DCHS1: variants seen among roughly 807,000 people sequenced by gnomAD.
DCHS1 encodes the protein protocadherin-16.
A neutral mutation model predicts 213.9 loss-of-function variants in DCHS1; 78 were observed. The ratio of observed to expected loss-of-function variants is 0.36; its 90% CI spans 0.30 to 0.44. The LOEUF is 0.44. Ranked by LOEUF, DCHS1 falls within the 20% of genes least tolerant of loss-of-function variation. DCHS1 has a pLI of 1.00. For synonymous variants in DCHS1, 1,828 were observed against 1,873.7 expected (o/e 0.98, Z 0.63); for missense variants, 3,946 against 4,395.9 (o/e 0.90, Z 2.89).
chr11:6,640,282 G>A lies in DCHS1; in HGVS notation c.1332C>T (p.Ala444=). 1 of 1,608,550 alleles carries A rather than the reference G, an allele frequency of 6.2e-7. No homozygotes were observed. The highest frequency in any genetic ancestry group is 8.5e-7 in the Non-Finnish European group (1 of 1,177,620). Residue 444 remains alanine, a synonymous_variant, in exon 2 of 21, where the codon GCC becomes GCT. Coordinates refer to ENST00000299441, the MANE Select transcript of DCHS1 (RefSeq NM_003737.4). This position sits in a 1 kb window ranked among gnomAD's most constrained non-coding sequence, Gnocchi z 6.5. ...ERDAYNLRVT[A]TDSGSPPLRA... ...GCAGTGGAGGTGAGCCTGAGTCTGT[G>A]GCTGTAACCCTCAAGTTATAGGCAT...
chr11:6,621,469 AATAAATAAAG>A lies in DCHS1; in HGVS notation c.*300_*309del. On this transcript the variant is annotated 3_prime_UTR_variant, in exon 21 of 21. Coordinates refer to ENST00000299441, the MANE Select transcript of DCHS1 (RefSeq NM_003737.4). ...GGACCTCCTCCATCCCCCTACCCCC[AATAAATAAAG>A]TCTCAGCTCCATCTCAGGGTGCTGG... is the stretch of plus-strand genomic sequence containing the variant. 1 of 477,676 alleles carries A rather than the reference AATAAATAAAG, an allele frequency of 2.1e-6. No homozygotes were observed. Among genetic ancestry groups the A allele is most frequent in the African/African-American group, 2.0e-5 (1 of 51,208 alleles). The allele number at this position is 477,676 out of a possible 1,614,324, so 29.6% of individuals were successfully genotyped here.
At chr11:6,634,380 G>A in intron 2 of DCHS1, 74 bp from the exon 3 acceptor site, 1 of 1,477,246 alleles carries the variant, frequency 6.8e-7, no homozygotes, top group East Asian at 2.3e-5. Flanking sequence ...CCATTAGAAT[G>A]AACAACTGGT....
Position 6,641,850 on chromosome 11 carries a change from G to T in DCHS1, c.-120-117C>A. 2 of 876,572 alleles carry T rather than the reference G, an allele frequency of 2.3e-6. No individual in the cohort carries two copies. Among genetic ancestry groups the T allele is most frequent in the Non-Finnish European group, 3.3e-6 (2 of 604,402 alleles). The allele number at this position is 876,572 out of a possible 1,614,324, so 54.3% of individuals were successfully genotyped here. A position where few individuals can be genotyped will look rare whatever the true frequency, so the allele number is the denominator to read the frequency against. On this transcript the variant is annotated intron_variant, in intron 1 of 20. Transcript: ENST00000299441. This position sits in a 1 kb window ranked among gnomAD's most constrained non-coding sequence, Gnocchi z 7.1. ...TCAGCCCCCAGCAGGCCCTTGTGCT[G>T]CCTCACACTCATCTTGGGCCACACG...
rs745665964 is a variant in DCHS1, at chr11:6,625,978, T to C, written c.6673A>G (p.Thr2225Ala). The change falls in exon 17 of 21, where the codon ACC (threonine) becomes GCC (alanine). Residue 2225 changes from threonine to alanine, a missense_variant. Coordinates refer to ENST00000299441, the MANE Select transcript of DCHS1 (RefSeq NM_003737.4). The surrounding 1 kb of genome is among the most constrained non-coding windows in gnomAD (Gnocchi z 5.3). The part of the protein sequence containing the change: ...PARGLFHVDP[T>A]TGTITTTAIL... Reference sequence around the variant, plus strand: ...GCTGTGGTAGTGATAGTGCCTGTGGTTGGGTCTACGTGGAACAATCCACGT... The same window carrying C: ...GCTGTGGTAGTGATAGTGCCTGTGGCTGGGTCTACGTGGAACAATCCACGT... The C allele has an allele frequency of 3.7e-6, 6 of 1,613,554 alleles. No individual in the cohort carries two copies. The highest frequency in any genetic ancestry group is 1.3e-5 in the African/African-American group (1 of 75,004).
Position 6,626,938 on chromosome 11 carries a change from C to T in DCHS1, c.6101G>A (p.Arg2034His), listed in dbSNP as rs140046764. 43 of 1,613,586 alleles carry T rather than the reference C, an allele frequency of 2.7e-5. No individual in the cohort carries two copies. Among genetic ancestry groups the T allele is most frequent in the East Asian group, 2.5e-4 (11 of 44,894 alleles). The change falls in exon 14 of 21, where the codon CGT (arginine) becomes CAT (histidine). Residue 2034 changes from arginine (R) to histidine (H), a missense_variant. By Grantham distance (29) the Arg-to-His change is conservative. This residue lies in a region of DCHS1 where 3,384 missense variants were observed against 3,780.1 expected (regional missense o/e 0.90). Transcript: ENST00000299441. The surrounding 1 kb of genome is among the most constrained non-coding windows in gnomAD (Gnocchi z 5.2). ...RSPVALGPRD[R>H]VLFIVATDLG... is the part of the protein sequence containing the mutation. ...ATCAGTGGCCACAATGAAGAGGACA[C>T]GATCTCGGGGGCCTAGAGCTACAGG...
chr11:6,631,242 G>A (rs1855902501), intron 8 of DCHS1, 32 bp from the exon 9 acceptor site: 1 of 1,612,590 alleles, frequency 6.2e-7, no homozygotes, highest in Non-Finnish European at 8.5e-7. Flanking sequence ...TGAGGGCTTG[G>A]GGCCCAGAGC....
chr11:6,625,709 T>C lies in DCHS1; in HGVS notation c.6750A>G (p.Thr2250=), dbSNP rs1855786763. The change falls in exon 18 of 21, where the codon ACA becomes ACG. Residue 2250 remains threonine, a synonymous_variant. Coordinates refer to ENST00000299441, the MANE Select transcript of DCHS1 (RefSeq NM_003737.4). This position sits in a 1 kb window ranked among gnomAD's most constrained non-coding sequence, Gnocchi z 5.3. ...CCACCAGGGCTGGGCTCCCTCTGTC[T>C]GTGGCCATCAGCACCAACCTGGACA... The part of the protein sequence containing the change: ...WAETRLVLMA[T]DRGSPALVGS... 2 of 1,607,358 alleles carry C rather than the reference T, an allele frequency of 1.2e-6. No individual in the cohort carries two copies. The highest frequency in any genetic ancestry group is 1.7e-6 in the Non-Finnish European group (2 of 1,177,446).
In DCHS1 at chr11:6,623,299, G is replaced by T; in HGVS notation, c.8377C>A (p.Leu2793Ile). The part of the protein sequence containing the change: ...LLVGAADAGN[L>I]SASVTVSVLV... Reference sequence around the variant, plus strand: ...ACCGACACAGTGACAGAGGCTGAGAGATTCCCAGCATCAGCAGCACCCACC... The same window carrying T: ...ACCGACACAGTGACAGAGGCTGAGATATTCCCAGCATCAGCAGCACCCACC... The change falls in exon 21 of 21, where the codon CTC becomes ATC. Residue 2793 changes from leucine (L) to isoleucine (I), a missense_variant. Leu to Ile is a conservative substitution (Grantham distance 5, BLOSUM62 2). This residue lies in a region of DCHS1 where 3,384 missense variants were observed against 3,780.1 expected (regional missense o/e 0.90). Coordinates refer to ENST00000299441, the MANE Select transcript of DCHS1 (RefSeq NM_003737.4). 1 of 1,589,904 alleles carries T rather than the reference G, an allele frequency of 6.3e-7. No homozygotes were observed.
Position 6,640,807 on chromosome 11 carries a change from G to T in DCHS1, c.807C>A (p.Ala269=). 1 of 1,614,028 alleles carries T rather than the reference G, an allele frequency of 6.2e-7. No homozygotes were observed. The highest frequency in any genetic ancestry group is 8.5e-7 in the Non-Finnish European group (1 of 1,179,890). ...RYHAVVSESL[A]PGSPVLQVFA... ...ACACCTGCAAGACAGGACTGCCAGG[G>T]GCCAGGCTCTCAGACACCACAGCAT... Residue 269 remains alanine (A), a synonymous_variant, in exon 2 of 21, where the codon GCC becomes GCA. Transcript: ENST00000299441. This position sits in a 1 kb window ranked among gnomAD's most constrained non-coding sequence, Gnocchi z 6.5.
intron 5 of DCHS1, 69 bp downstream of exon 5, chr11:6,633,343 G>A (rs538737192): frequency 2.1e-5 from 30 of 1,441,572 alleles, no homozygotes; most frequent in South Asian, 9.4e-5. Flanking sequence ...AGGTATCTTC[G>A]GATGGTGCTG....
intron 1 of DCHS1, among the ~76,000 whole-genome samples, chr11:6,645,090 T>C (rs1295358738): frequency 2.6e-5 from 4 of 152,204 alleles, no homozygotes; most frequent in African/African-American, 9.7e-5. Flanking sequence ...TTGTGAAAAT[T>C]AGAAACAATG....
At position 6,626,965 on chromosome 11, in the gene DCHS1, G is replaced by C. The variant is rs1352438833; in HGVS notation, c.6074C>G (p.Ser2025Cys). The stretch of plus-strand genomic sequence containing the variant: ...ATCTCGGGGGCCTAGAGCTACAGGA[G>C]AGCGGGCCACGCGGATTTCACCAGT... ...SYTGEIRVAR[S>C]PVALGPRDRV... Residue 2025 changes from serine to cysteine, a missense_variant, in exon 14 of 21, where the codon TCT becomes TGT. Physicochemically the swap from Ser to Cys is moderately radical, Grantham distance 112. Coordinates refer to ENST00000299441, the MANE Select transcript of DCHS1 (RefSeq NM_003737.4). The surrounding 1 kb of genome is among the most constrained non-coding windows in gnomAD (Gnocchi z 5.2). 25 of 1,613,760 alleles carry C rather than the reference G, an allele frequency of 1.5e-5. No individual in the cohort carries two copies. Among genetic ancestry groups the C allele is most frequent in the Non-Finnish European group, 2.1e-5 (25 of 1,179,902 alleles).
At chr11:6,633,313 A>G in intron 5 of DCHS1, 99 bp downstream of exon 5, 1 of 1,287,302 alleles carries the variant, frequency 7.8e-7, no homozygotes, top group Non-Finnish European at 1.1e-6. Flanking sequence ...TACTGGGGCT[A>G]TCTGCCCTGT....
chr11:6,635,236 G>T (rs1429665251), intron 2 of DCHS1: 1 of 152,192 alleles, frequency 6.6e-6, no homozygotes, highest in African/African-American at 2.4e-5. Context: ...ATGGGTGTGT[G>T]GCTCATGCAT....
Position 6,626,412 on chromosome 11 carries a change from C to G in DCHS1, c.6365-32G>C. On this transcript the variant is annotated intron_variant, in intron 15 of 20. Transcript: ENST00000299441. This position sits in a 1 kb window ranked among gnomAD's most constrained non-coding sequence, Gnocchi z 5.2. ...GAGATAGAATGCATCAGTGATAGCC[C>G]CCTTTGCTTGCCCTGGAGCCTCCTT... is the stretch of plus-strand genomic sequence containing the variant. 1 of 1,608,636 alleles carries G rather than the reference C, an allele frequency of 6.2e-7. No individual in the cohort carries two copies. The highest frequency in any genetic ancestry group is 8.5e-7 in the Non-Finnish European group (1 of 1,176,798).
At chr11:6,633,709 G>T in intron 4 of DCHS1, 61 bp from the exon 5 acceptor site, 1 of 1,603,052 alleles carries the variant, frequency 6.2e-7, no homozygotes, top group Non-Finnish European at 8.5e-7. Context: ...GAAAGGTTAT[G>T]GAGGAGGTGG....
intron 1 of DCHS1, 60 bp downstream of exon 1, chr11:6,655,503 G>A: frequency 1.1e-6 from 1 of 949,942 alleles, no homozygotes; most frequent in Non-Finnish European, 1.3e-6. Flanking sequence ...CCGCAGCCCA[G>A]GGGAGGCCGG....
Position 6,631,406 on chromosome 11 carries a change from A to G in DCHS1, c.3677T>C (p.Val1226Ala). 6.2e-7 allele frequency: 1 copy of G among 1,613,856 alleles called. No homozygotes were observed. Among genetic ancestry groups the G allele is most frequent in the Non-Finnish European group, 8.5e-7 (1 of 1,179,816 alleles). Residue 1226 changes from valine to alanine, a missense_variant and splice_region_variant, in exon 8 of 21, where the codon GTA becomes GCA. This residue lies in a region of DCHS1 where 3,384 missense variants were observed against 3,780.1 expected (regional missense o/e 0.90). Transcript: ENST00000299441. ...TGTTCCCGGAGGCACGCGGTCTGGT[A>G]CCTGTGGGAACACAACTCACCTAGT... is the stretch of plus-strand genomic sequence containing the variant. ...GAAGGGLPIQ[V>A]PDRVPPGTLV...
In DCHS1 at chr11:6,622,308, C is replaced by A; in HGVS notation, c.9368G>T (p.Cys3123Phe). The A allele has an allele frequency of 6.2e-7, 1 of 1,606,132 alleles. No individual in the cohort carries two copies. The change falls in exon 21 of 21, where the codon TGT (cysteine) becomes TTT (phenylalanine). Residue 3123 changes from cysteine to phenylalanine, a missense_variant. Cys to Phe is a radical substitution (Grantham distance 205, BLOSUM62 -2). This residue lies in a region of DCHS1 where 554 missense variants were observed against 590.2 expected (regional missense o/e 0.94). Coordinates refer to ENST00000299441, the MANE Select transcript of DCHS1 (RefSeq NM_003737.4). The surrounding 1 kb of genome is among the most constrained non-coding windows in gnomAD (Gnocchi z 5.4). The part of the protein sequence containing the change: ...PATATAFLGG[C>F]GLSPAPTGDY... The stretch of plus-strand genomic sequence containing the variant: ...CCCAGTGGGTGCAGGGCTCAGGCCA[C>A]AGCCCCCCAGGAAGGCTGTGGCAGT...
Sources: allele counts gnomAD v4.1 joint callset (sites outside exome capture counted in the v4.1 genomes callset), GRCh38; gene constraint gnomAD v4.1.1; regional missense constraint gnomAD v4.1.1; non-coding constraint Gnocchi (gnomAD v3.1); transcripts MANE v1.5; gene names NCBI Gene and HGNC (gene_info 2026-07-23, HGNC 2026-07-21).